The following SYCE3 variants were observed in gnomAD, a reference collection of about 807,000 sequenced individuals.
The protein encoded by SYCE3 is synaptonemal complex central element protein 3, also known as testis highly expressed gene 2 protein.
Under a neutral mutation model 8.1 loss-of-function variants are expected in SYCE3, and 3 were observed. The observed-to-expected ratio is 0.37, with a 90% confidence interval of 0.17 to 0.96. SYCE3 has a LOEUF of 0.96. Ranked by LOEUF, SYCE3 falls within the 40% of genes least tolerant of loss-of-function variation. The pLI, the probability that SYCE3 is intolerant of heterozygous loss-of-function variation, is 0.41. For missense variants in SYCE3, 83 were observed against 110.0 expected, an observed-to-expected ratio of 0.75 and a Z score of 1.10; for synonymous variants, 36 against 38.7, an observed-to-expected ratio of 0.93 and a Z score of 0.26.
At position 50,551,203 on chromosome 22, in the gene SYCE3, C is replaced by CGG; in HGVS notation, c.*40_*41dup. On this transcript the variant is annotated 3_prime_UTR_variant, in exon 3 of 3. Transcript: ENST00000406915. ...TCCATCCCCCAGTGACCTCTTCATA[C>CGG]GGGCAGAGGGTGGCATGGCAGCTGT... is the stretch of plus-strand genomic sequence containing the variant. 2 of 1,544,698 alleles carry CGG rather than the reference C, an allele frequency of 1.3e-6. No individual in the cohort carries two copies. The highest frequency in any genetic ancestry group is 1.8e-6 in the Non-Finnish European group (2 of 1,142,526).
chr22:50,560,496 T>C (rs911934339), intron 1 of SYCE3, among the ~76,000 whole-genome samples: 3 of 152,120 alleles, frequency 2.0e-5, no homozygotes, highest in African/African-American at 7.2e-5. Context: ...AGATATTTGA[T>C]TTGGGTGTCA....
Position 50,556,391 on chromosome 22 carries a change from G to A in SYCE3, c.15C>T (p.Asp5=). Residue 5 remains aspartate (D), a synonymous_variant, in exon 2 of 3, where the codon GAC becomes GAT. Transcript: ENST00000406915. Reference sequence around the variant, plus strand: ...TGTTGTCATAGTTTCTTTCCTCAGGGTCAGCATCATCCATCTAGGCAATGC... The same window carrying A: ...TGTTGTCATAGTTTCTTTCCTCAGGATCAGCATCATCCATCTAGGCAATGC... MDDA[D]PEERNYDNML... 1 of 1,551,554 alleles carries A rather than the reference G, an allele frequency of 6.4e-7. No homozygotes were observed. Among genetic ancestry groups the A allele is most frequent in the East Asian group, 2.4e-5 (1 of 40,924 alleles).
chr22:50,554,720 C>A (rs562897732), intron 2 of SYCE3, among the ~76,000 whole-genome samples: 1 of 144,728 alleles, frequency 6.9e-6, no homozygotes, highest in Non-Finnish European at 1.5e-5. Flanking sequence ...AAAGGCCAGG[C>A]GCGGTGGCTC....
At chr22:50,554,982 C>T (rs1329820134) in intron 2 of SYCE3, among the ~76,000 whole-genome samples, 4 of 151,512 alleles carry the variant, frequency 2.6e-5, no homozygotes, top group South Asian at 4.2e-4. Flanking sequence ...ATTAGCCAGG[C>T]GTGGTGGCGG....
chr22:50,556,826 T>G (rs984335884), intron 1 of SYCE3, among the ~76,000 whole-genome samples: 2 of 152,226 alleles, frequency 1.3e-5, no homozygotes, highest in African/African-American at 4.8e-5. Context: ...TCTAGTGCAA[T>G]ATGGGAGTAA....
At chr22:50,552,919 C>T (rs1042545480) in intron 2 of SYCE3, among the ~76,000 whole-genome samples, 6 of 152,062 alleles carry the variant, frequency 3.9e-5, no homozygotes, top group Admixed American at 6.6e-5. Context: ...GGTGGCTGGC[C>T]GGGCAAGGTG....
At chr22:50,561,595 T>C (rs947537785) in intron 1 of SYCE3, among the ~76,000 whole-genome samples, 2 of 144,242 alleles carry the variant, frequency 1.4e-5, no homozygotes, top group African/African-American at 5.4e-5. Context: ...GGTATCACTT[T>C]AGGTGTGAAG....
intron 1 of SYCE3, among the ~76,000 whole-genome samples, chr22:50,557,442 C>T (rs1290835136): frequency 6.6e-6 from 1 of 152,106 alleles, no homozygotes; most frequent in Non-Finnish European, 1.5e-5. Context: ...AGATGTGAGC[C>T]ACCACACCCA....
chr22:50,552,710 T>C (rs1209781698), intron 2 of SYCE3, among the ~76,000 whole-genome samples: 2 of 152,226 alleles, frequency 1.3e-5, no homozygotes, highest in African/African-American at 4.8e-5. Context: ...TGTTATGGAC[T>C]GAATGTGTCC....
chr22:50,551,894 C>T (rs6520148), intron 2 of SYCE3, among the ~76,000 whole-genome samples: 12,398 of 152,196 alleles, frequency 0.081, 1,097 homozygotes, highest in African/African-American at 0.22. Context: ...TCTATGCTTT[C>T]GTTGAGGCCC....
At chr22:50,555,053 C>T (rs1407347723) in intron 2 of SYCE3, among the ~76,000 whole-genome samples, 2 of 151,578 alleles carry the variant, frequency 1.3e-5, no homozygotes, top group Non-Finnish European at 2.9e-5. Context: ...ACCCGGGAGG[C>T]GGAGCTTGCA....
At chr22:50,561,332 T>C (rs2069912840) in intron 1 of SYCE3, among the ~76,000 whole-genome samples, 1 of 151,922 alleles carries the variant, frequency 6.6e-6, no homozygotes, top group African/African-American at 2.4e-5. Flanking sequence ...GGGATGGATC[T>C]GAAAAGGAGA....
chr22:50,557,634 TCTC>T (rs2069873754), intron 1 of SYCE3, among the ~76,000 whole-genome samples: 3 of 152,202 alleles, frequency 2.0e-5, no homozygotes, highest in Admixed American at 6.5e-5. Context: ...CTCCAGATCC[TCTC>T]CTCACCTTTA....
At chr22:50,551,964 G>C (rs1464358869) in intron 2 of SYCE3, among the ~76,000 whole-genome samples, 1 of 152,080 alleles carries the variant, frequency 6.6e-6, no homozygotes, top group East Asian at 1.9e-4. Context: ...GCACTGATGG[G>C]CTCTCTTGCT....
intron 1 of SYCE3, among the ~76,000 whole-genome samples, chr22:50,557,170 T>C (rs5770780): frequency 0.059 from 8,962 of 151,494 alleles, 491 homozygotes; most frequent in East Asian, 0.25. Context: ...TTTTTTTTTT[T>C]TTTGAGACGA....
intron 2 of SYCE3, among the ~76,000 whole-genome samples, chr22:50,554,037 C>CA (rs1394907528): frequency 2.0e-5 from 3 of 151,298 alleles, no homozygotes; most frequent in Non-Finnish European, 2.9e-5. Flanking sequence ...ACTAAAAATA[C>CA]AAAAAAAATT....
intron 1 of SYCE3, among the ~76,000 whole-genome samples, chr22:50,559,683 C>T (rs1456940296): frequency 6.6e-6 from 1 of 152,144 alleles, no homozygotes; most frequent in African/African-American, 2.4e-5. Flanking sequence ...GTAATCCCAG[C>T]ACTTTGGAAG....
intron 1 of SYCE3, among the ~76,000 whole-genome samples, chr22:50,559,275 C>T (rs1025307510): frequency 2.6e-5 from 4 of 152,044 alleles, no homozygotes; most frequent in South Asian, 2.1e-4. Context: ...TACAGGTGCC[C>T]GCCACCATGC....
intron 2 of SYCE3, among the ~76,000 whole-genome samples, chr22:50,554,193 T>C (rs1293560144): frequency 8.2e-6 from 1 of 121,384 alleles, no homozygotes; most frequent in African/African-American, 3.7e-5. Flanking sequence ...CGACTCTGTC[T>C]CAAAAAAAAA....
Sources: gnomAD v4.1 joint callset for allele counts (sites outside exome capture counted in the v4.1 genomes callset) on GRCh38, gnomAD v4.1.1 for gene constraint, MANE v1.5 for transcripts, NCBI Gene and HGNC (gene_info 2026-07-23, HGNC 2026-07-21) for gene names.